Variants in RNF128 observed in about 807,000 individuals in gnomAD.
RNF128 encodes ring finger protein 128, also known as E3 ubiquitin-protein ligase RNF128.
Under a neutral mutation model 26.2 loss-of-function variants are expected in RNF128, and 13 were observed. The observed-to-expected ratio is 0.50, with a 90% CI of 0.32 to 0.79. RNF128 has a LOEUF of 0.79. Among genes scored for constraint, RNF128 ranks in the 30% least tolerant of loss-of-function variants. The pLI is 0.03. For synonymous variants in RNF128, 149 were observed against 142.5 expected (o/e 1.05, Z -0.32); for missense variants, 315 against 349.7 (o/e 0.90, Z 0.79).
At chrX:106,769,679 T>C (rs887566769) in intron 1 of RNF128, among the ~76,000 whole-genome samples, 1 of 109,594 alleles carries the variant, frequency 9.1e-6, no homozygotes, top group African/African-American at 3.3e-5. Context: ...TGATTCTTTA[T>C]CCAATTTGCC....
At chrX:106,773,364 A>G (rs1273431069) in intron 2 of RNF128, among the ~76,000 whole-genome samples, 3 of 112,146 alleles carry the variant, frequency 2.7e-5, no homozygotes, top group African/African-American at 9.7e-5. Flanking sequence ...CTACCTGATT[A>G]AATTTTCTAA....
At chrX:106,702,471 A>G (rs1400373513) in intron 1 of RNF128, among the ~76,000 whole-genome samples, 1 of 111,255 alleles carries the variant, frequency 9.0e-6, no homozygotes, top group Non-Finnish European at 1.9e-5. Context: ...ACAATGCCTG[A>G]GCCTATATAA....
chrX:106,782,233 A>G (rs1430555162), intron 2 of RNF128, among the ~76,000 whole-genome samples: 1 of 112,682 alleles, frequency 8.9e-6, no homozygotes, highest in South Asian at 3.6e-4. Context: ...TGCTTTAAGC[A>G]CAAAGAGCAA....
chrX:106,739,348 G>A (rs1368987522), intron 1 of RNF128, among the ~76,000 whole-genome samples: 1 of 110,277 alleles, frequency 9.1e-6, no homozygotes, highest in African/African-American at 3.3e-5. Flanking sequence ...TAGTAGAGGC[G>A]GGGTTTCACC....
chrX:106,763,509 G>GT (rs1930154118), intron 1 of RNF128, among the ~76,000 whole-genome samples: 1 of 112,408 alleles, frequency 8.9e-6, no homozygotes, highest in Non-Finnish European at 1.9e-5. Context: ...CCAATTCAGG[G>GT]TTTTTTGTTT....
intron 1 of RNF128, among the ~76,000 whole-genome samples, chrX:106,702,499 T>C (rs1355747216): frequency 9.0e-6 from 1 of 111,469 alleles, no homozygotes; most frequent in African/African-American, 3.3e-5. Flanking sequence ...TACTTCCTCT[T>C]AAGTACTCTC....
chrX:106,766,713 G>C (rs1346881188), intron 1 of RNF128, among the ~76,000 whole-genome samples: 2 of 111,802 alleles, frequency 1.8e-5, no homozygotes, highest in Non-Finnish European at 3.8e-5. Flanking sequence ...AAGCTCTTTA[G>C]TTTAATTAGA....
intron 4 of RNF128, among the ~76,000 whole-genome samples, chrX:106,788,967 CATATATATACTATATGTACA>C (rs1930752571): frequency 1.4e-5 from 1 of 73,712 alleles, no homozygotes; most frequent in Non-Finnish European, 2.4e-5. Context: ...TGTACATGTA[CATATATATACTATATGTACA>C]GTATATATAC....
intron 1 of RNF128, among the ~76,000 whole-genome samples, chrX:106,759,764 A>T (rs1930088068): frequency 8.9e-6 from 1 of 111,920 alleles, no homozygotes; most frequent in African/African-American, 3.2e-5. Flanking sequence ...TATCAGAAGG[A>T]TGGTTACCAG....
At chrX:106,709,404 A>T (rs1468085111) in intron 1 of RNF128, among the ~76,000 whole-genome samples, 1 of 112,006 alleles carries the variant, frequency 8.9e-6, no homozygotes, top group Non-Finnish European at 1.9e-5. Context: ...TGTCTCATTC[A>T]AGCAATAATA....
intron 1 of RNF128, among the ~76,000 whole-genome samples, chrX:106,719,246 C>T (rs1461450681): frequency 9.6e-6 from 1 of 104,123 alleles, no homozygotes; most frequent in African/African-American, 3.5e-5. Flanking sequence ...TTTTTTGAAA[C>T]AGAGTCTCTG....
At chrX:106,697,900 G>A (rs1928898157) in intron 1 of RNF128, among the ~76,000 whole-genome samples, 1 of 108,208 alleles carries the variant, frequency 9.2e-6, no homozygotes, top group East Asian at 2.9e-4. Flanking sequence ...GCATTGGTGA[G>A]TATATCTCTA....
intron 1 of RNF128, among the ~76,000 whole-genome samples, chrX:106,715,202 A>C (rs931056417): frequency 8.9e-6 from 1 of 112,031 alleles, no homozygotes; most frequent in Non-Finnish European, 1.9e-5. Flanking sequence ...CCTTAACAAC[A>C]TTTGGTGTAG....
chrX:106,770,660 T>G (rs1930353539), intron 1 of RNF128, among the ~76,000 whole-genome samples: 1 of 111,627 alleles, frequency 9.0e-6, no homozygotes, highest in African/African-American at 3.3e-5. Flanking sequence ...TAATCTTTTT[T>G]CAAGGTTTTT....
intron 1 of RNF128, among the ~76,000 whole-genome samples, chrX:106,739,133 T>TTTCC (rs753245428): frequency 0.039 from 4,288 of 109,356 alleles, 275 homozygotes; most frequent in African/African-American, 0.14. Context: ...TCCTTCCTTT[T>TTTCC]TTCCTTCCTT....
chrX:106,742,763 T>C (rs963838922), intron 1 of RNF128, among the ~76,000 whole-genome samples: 22 of 111,388 alleles, frequency 2.0e-4, no homozygotes, highest in African/African-American at 6.9e-4. Flanking sequence ...CTGTATTAAT[T>C]GTATTCTCTA....
chrX:106,752,840 A>T, intron 1 of RNF128, among the ~76,000 whole-genome samples: 1 of 111,832 alleles, frequency 8.9e-6, no homozygotes, highest in Non-Finnish European at 1.9e-5. Context: ...GAATTCTATC[A>T]GATAAATTGA....
At chrX:106,755,154 G>A (rs150473955) in intron 1 of RNF128, among the ~76,000 whole-genome samples, 10 of 111,703 alleles carry the variant, frequency 9.0e-5, no homozygotes, top group African/African-American at 3.2e-4. Context: ...ATTGGAAAAC[G>A]TTGAAGAAAT....
intron 1 of RNF128, among the ~76,000 whole-genome samples, chrX:106,743,749 C>A (rs1929742186): frequency 1.8e-5 from 2 of 111,840 alleles, no homozygotes; most frequent in African/African-American, 6.5e-5. Context: ...CATCCCATTA[C>A]TGGGTATATA....
Sources: allele counts gnomAD v4.1 joint callset (sites outside exome capture counted in the v4.1 genomes callset), GRCh38; gene constraint gnomAD v4.1.1; transcripts MANE v1.5; gene names NCBI Gene and HGNC (gene_info 2026-07-23, HGNC 2026-07-21).